The following IL1RAPL2 variants were observed in gnomAD, a reference collection of about 807,000 sequenced individuals.
IL1RAPL2 encodes interleukin 1 receptor accessory protein like 2.
Under a neutral mutation model 44.1 loss-of-function variants are expected in IL1RAPL2, and 3 were observed. The observed-to-expected ratio is 0.07, with a 90% CI of 0.03 to 0.18. The LOEUF is 0.18. IL1RAPL2 is among the 10% of genes least tolerant of loss of function. IL1RAPL2 has a pLI of 1.00. For missense variants in IL1RAPL2, 391 were observed against 496.4 expected (o/e 0.79, Z 2.02); for synonymous variants, 181 against 178.8 (o/e 1.01, Z -0.10).
intron 5 of IL1RAPL2, among the ~76,000 whole-genome samples, chrX:105,448,987 C>G (rs1480083311): frequency 1.8e-5 from 2 of 111,488 alleles, no homozygotes; most frequent in Non-Finnish European, 3.8e-5. Context: ...TTCCTCTAAA[C>G]AGCTATTTTG....
At chrX:105,332,676 A>G (rs928295983) in intron 5 of IL1RAPL2, among the ~76,000 whole-genome samples, 1 of 112,254 alleles carries the variant, frequency 8.9e-6, no homozygotes, top group African/African-American at 3.2e-5. Flanking sequence ...AAGTTGAGGG[A>G]TACAAAATCA....
chrX:104,727,579 C>T lies in IL1RAPL2; in HGVS notation c.82+68584C>T, dbSNP rs1054389706. On this transcript the variant is annotated intron_variant, in intron 2 of 10. Transcript: ENST00000372582. Reference sequence around the variant, plus strand: ...GCCATTTGATCCAGCAATCCCACTACTAGGTATCTACCCAAAGGAAAATAA... The same window carrying T: ...GCCATTTGATCCAGCAATCCCACTATTAGGTATCTACCCAAAGGAAAATAA... Among the ~76,000 whole-genome samples, 8 of 111,159 alleles carry T rather than the reference C, an allele frequency of 7.2e-5. No individual in the cohort carries two copies. In the South Asian group the frequency reaches 1.9e-3, roughly 26 times the overall value.
chrX:105,028,396 A>T (rs1268228272), intron 2 of IL1RAPL2, among the ~76,000 whole-genome samples: 1 of 111,826 alleles, frequency 8.9e-6, no homozygotes, highest in Non-Finnish European at 1.9e-5. Flanking sequence ...ATTCTCCATG[A>T]TGTGCTTATT....
chrX:105,049,088 C>A (rs1352998743), intron 2 of IL1RAPL2, among the ~76,000 whole-genome samples: 2 of 111,011 alleles, frequency 1.8e-5, no homozygotes, highest in Non-Finnish European at 3.8e-5. Flanking sequence ...CATGGTCTTG[C>A]CTGCAGGATG....
chrX:105,092,891 T>C (rs965871867), intron 2 of IL1RAPL2, among the ~76,000 whole-genome samples: 8 of 110,674 alleles, frequency 7.2e-5, no homozygotes, highest in Non-Finnish European at 1.5e-4. Flanking sequence ...GCAGTTTTAA[T>C]GTGCTATAAA....
chrX:105,550,206 T>C (rs2036840581), intron 6 of IL1RAPL2, among the ~76,000 whole-genome samples: 2 of 111,714 alleles, frequency 1.8e-5, no homozygotes, highest in African/African-American at 6.5e-5. Flanking sequence ...TTCCCTGGGG[T>C]CTGCCTTCCT....
intron 2 of IL1RAPL2, among the ~76,000 whole-genome samples, chrX:105,169,492 CTTTTTTTTTTTT>C (rs748101220): frequency 4.3e-4 from 18 of 41,561 alleles, no homozygotes; most frequent in Admixed American, 2.1e-3. Flanking sequence ...TTCTTTCTTT[CTTTTTTTTTTTT>C]TTTTTTTTTT....
At chrX:105,729,707 C>T (rs556992675) in intron 7 of IL1RAPL2, among the ~76,000 whole-genome samples, 2 of 109,877 alleles carry the variant, frequency 1.8e-5, no homozygotes, top group South Asian at 7.6e-4. Context: ...TTAATAAAGT[C>T]CAACTTATCA....
chrX:104,647,219 A>G (rs1930058478), intron 1 of IL1RAPL2: 1 of 346,657 alleles, frequency 2.9e-6, no homozygotes, highest in Non-Finnish European at 5.5e-6. Flanking sequence ...CAGCTGGAGG[A>G]GGCAGGTAGG....
At chrX:104,780,038 A>AT (rs1251569203) in intron 2 of IL1RAPL2, among the ~76,000 whole-genome samples, 1 of 111,691 alleles carries the variant, frequency 9.0e-6, no homozygotes, top group Admixed American at 9.6e-5. Flanking sequence ...GATAAAAATG[A>AT]TTTTTTCATT....
intron 2 of IL1RAPL2, among the ~76,000 whole-genome samples, chrX:105,099,636 T>C (rs990773956): frequency 1.9e-5 from 2 of 107,307 alleles, no homozygotes; most frequent in Non-Finnish European, 1.9e-5. Flanking sequence ...GGCTATTTTT[T>C]TTTGTATTTT....
intron 2 of IL1RAPL2, among the ~76,000 whole-genome samples, chrX:104,719,334 C>A (rs909290318): frequency 3.6e-5 from 4 of 111,965 alleles, no homozygotes; most frequent in Non-Finnish European, 5.7e-5. Context: ...GTAGTTTCAT[C>A]AGAGCCTCAA....
intron 5 of IL1RAPL2, among the ~76,000 whole-genome samples, chrX:105,465,343 A>T (rs1361278426): frequency 8.9e-6 from 1 of 112,023 alleles, no homozygotes; most frequent in Non-Finnish European, 1.9e-5. Context: ...TGAGAAAGTG[A>T]AGTGAACTTA....
At chrX:104,927,191 C>T (rs1018162267) in intron 2 of IL1RAPL2, among the ~76,000 whole-genome samples, 4 of 111,606 alleles carry the variant, frequency 3.6e-5, no homozygotes, top group South Asian at 3.7e-4. Flanking sequence ...ATCACCATTC[C>T]GAAGCCCACT....
At chrX:105,501,609 G>T (rs1348253691) in intron 6 of IL1RAPL2, among the ~76,000 whole-genome samples, 1 of 110,974 alleles carries the variant, frequency 9.0e-6, no homozygotes, top group Non-Finnish European at 1.9e-5. Context: ...AGATGACGAA[G>T]TGAGACCCTC....
At chrX:105,317,812 ACTT>A (rs2034856241) in intron 5 of IL1RAPL2, among the ~76,000 whole-genome samples, 1 of 110,819 alleles carries the variant, frequency 9.0e-6, no homozygotes. Flanking sequence ...GGACAGAGCT[ACTT>A]CTGTGAGGTA....
intron 9 of IL1RAPL2, 23 bp downstream of exon 9, chrX:105,749,126 A>T (rs1190461709): frequency 1.7e-6 from 2 of 1,185,222 alleles, no homozygotes; most frequent in Non-Finnish European, 2.3e-6. Context: ...CTATTGTTCA[A>T]ATTCCATTAA....
intron 2 of IL1RAPL2, among the ~76,000 whole-genome samples, chrX:104,856,186 T>C (rs1366527178): frequency 8.9e-6 from 1 of 112,171 alleles, no homozygotes; most frequent in Non-Finnish European, 1.9e-5. Context: ...AACAACAGTA[T>C]GTGGTATTCC....
intron 2 of IL1RAPL2, among the ~76,000 whole-genome samples, chrX:105,028,563 C>T (rs1467982361): frequency 9.0e-6 from 1 of 111,198 alleles, no homozygotes; most frequent in African/African-American, 3.3e-5. Flanking sequence ...TCAACCTGTA[C>T]ATGCAAAAGC....
Sources: allele counts gnomAD v4.1 joint callset (sites outside exome capture counted in the v4.1 genomes callset), GRCh38; gene constraint gnomAD v4.1.1; transcripts MANE v1.5; gene names NCBI Gene and HGNC (gene_info 2026-07-23, HGNC 2026-07-21).